The following HNF4A variants were observed in gnomAD, a reference collection of about 807,000 sequenced individuals.
HNF4A encodes the protein hepatocyte nuclear factor 4-alpha.
A neutral mutation model predicts 52.4 loss-of-function variants in HNF4A; 15 were observed. That is an observed-to-expected ratio of 0.29 (90% CI 0.19 to 0.44). The LOEUF is 0.44. Ranked by LOEUF, HNF4A falls within the 20% of genes least tolerant of loss-of-function variation. HNF4A has a pLI of 1.00. For synonymous variants in HNF4A, 280 were observed against 264.4 expected (o/e 1.06, Z -0.57); for missense variants, 479 against 647.2 (o/e 0.74, Z 2.82).
At chr20:44,387,288 T>TAAAAAA (rs537843651) in intron 1 of HNF4A, among the ~76,000 whole-genome samples, 1 of 82,008 alleles carries the variant, frequency 1.2e-5, no homozygotes, top group African/African-American at 4.6e-5. Flanking sequence ...AACTTCATCT[T>TAAAAAA]AAAAAAAAAA....
intron 1 of HNF4A, among the ~76,000 whole-genome samples, chr20:44,379,194 C>A (rs1445596855): frequency 6.6e-6 from 1 of 152,102 alleles, no homozygotes; most frequent in African/African-American, 2.4e-5. Flanking sequence ...ATCCATTCAT[C>A]CATTGATTGA....
At chr20:44,424,589 G>A (rs1014678218) in intron 8 of HNF4A, 4 of 1,392,470 alleles carry the variant, frequency 2.9e-6, no homozygotes, top group Non-Finnish European at 3.8e-6. Flanking sequence ...GTGCGTGCAT[G>A]TGTATATAAA....
intron 1 of HNF4A, among the ~76,000 whole-genome samples, chr20:44,402,989 C>A (rs1026857329): frequency 6.6e-6 from 1 of 152,234 alleles, no homozygotes. Context: ...TTCATTCCCC[C>A]AGGCCTGCTG....
intron 1 of HNF4A, among the ~76,000 whole-genome samples, chr20:44,375,542 A>T (rs1178050797): frequency 6.6e-6 from 1 of 151,770 alleles, no homozygotes; most frequent in Admixed American, 6.6e-5. Context: ...CAGGGTGTTA[A>T]TAACTTAACA....
At chr20:44,380,471 T>C (rs1035821757) in intron 1 of HNF4A, among the ~76,000 whole-genome samples, 1 of 152,118 alleles carries the variant, frequency 6.6e-6, no homozygotes, top group Admixed American at 6.5e-5. Flanking sequence ...TTTTAAATTT[T>C]TCTGTAGAGA....
At chr20:44,421,649 G>A (rs1206506986) in intron 7 of HNF4A, among the ~76,000 whole-genome samples, 1 of 151,774 alleles carries the variant, frequency 6.6e-6, no homozygotes, top group Non-Finnish European at 1.5e-5. Context: ...AGCTACTCAG[G>A]AGGCTGAGGC....
At chr20:44,419,392 T>G (rs2063712419) in intron 6 of HNF4A, among the ~76,000 whole-genome samples, 1 of 152,218 alleles carries the variant, frequency 6.6e-6, no homozygotes, top group South Asian at 2.1e-4. Context: ...GCAGTGCAGT[T>G]CCAGAATCTG....
chr20:44,395,398 G>C (rs2063344195), intron 1 of HNF4A: 1 of 152,408 alleles, frequency 6.6e-6, no homozygotes, highest in African/African-American at 2.4e-5. Context: ...CGAGTGCAGA[G>C]GGTGGTATGA....
chr20:44,393,845 T>C (rs1006230502), intron 1 of HNF4A, among the ~76,000 whole-genome samples: 1 of 152,168 alleles, frequency 6.6e-6, no homozygotes, highest in Non-Finnish European at 1.5e-5. Context: ...TACATCTTTT[T>C]TTGTGATAGG....
chr20:44,416,484 T>A (rs1419746610), intron 5 of HNF4A, among the ~76,000 whole-genome samples: 1 of 152,266 alleles, frequency 6.6e-6, no homozygotes, highest in Non-Finnish European at 1.5e-5. Flanking sequence ...CTGGAGTGAC[T>A]GATGAAAGAC....
chr20:44,428,476 G>A lies in HNF4A; in HGVS notation c.1271G>A (p.Arg424Lys), dbSNP rs2063839150. 6.2e-7 allele frequency: 1 copy of A among 1,614,078 alleles called. No homozygotes were observed. Among genetic ancestry groups the A allele is most frequent in the Non-Finnish European group, 8.5e-7 (1 of 1,179,974 alleles). Residue 424 changes from arginine (R) to lysine (K), a missense_variant, in exon 9 of 10, where the codon AGG becomes AAG. By Grantham distance (26) the Arg-to-Lys change is conservative. Around this residue, in one of 3 missense-constraint regions of HNF4A, gnomAD observed 389 missense variants for 525.1 expected, o/e 0.74. Transcript: ENST00000316099. ...CAGATGTGTGAGTGGCCCCGACCCA[G>A]GGGACAGGCAGGTGGGCAAACTCTG...
At position 44,406,079 on chromosome 20, in the gene HNF4A, C is replaced by A; in HGVS notation, c.137C>A (p.Thr46Asn). The change falls in exon 2 of 10, where the codon ACC becomes AAC. Residue 46 changes from threonine (T) to asparagine (N), a missense_variant. Physicochemically the swap from Thr to Asn is moderately conservative, Grantham distance 65. Transcript: ENST00000316099. ...GCAGACACGTCCCCATCAGAAGGCA[C>A]CAACCTCAACGCGCCCAACAGCCTG... 1 of 1,612,800 alleles carries A rather than the reference C, an allele frequency of 6.2e-7. No homozygotes were observed. Among genetic ancestry groups the A allele is most frequent in the Non-Finnish European group, 8.5e-7 (1 of 1,180,024 alleles).
chr20:44,409,854 T>C (rs961025130), intron 3 of HNF4A, among the ~76,000 whole-genome samples: 7 of 137,120 alleles, frequency 5.1e-5, no homozygotes, highest in African/African-American at 1.9e-4. Context: ...TTTTTTTTTT[T>C]TAGATGGAAT....
At chr20:44,387,663 G>GGGA (rs2063245101) in intron 1 of HNF4A, among the ~76,000 whole-genome samples, 2 of 94,462 alleles carry the variant, frequency 2.1e-5, no homozygotes, top group Non-Finnish European at 2.4e-5. Context: ...GGCGGGGGGG[G>GGGA]GGGGAGGCGG....
At chr20:44,373,879 G>A (rs2063058685) in intron 1 of HNF4A, among the ~76,000 whole-genome samples, 1 of 151,842 alleles carries the variant, frequency 6.6e-6, no homozygotes, top group African/African-American at 2.4e-5. Context: ...TAGTAGAGGT[G>A]GGGTTTCACC....
intron 1 of HNF4A, among the ~76,000 whole-genome samples, chr20:44,403,145 G>A (rs917888141): frequency 7.2e-5 from 11 of 152,202 alleles, no homozygotes; most frequent in Admixed American, 3.3e-4. Context: ...GCTGCTCCCC[G>A]CCCCCATCAC....
upstream of HNF4A, among the ~76,000 whole-genome samples, chr20:44,398,765 G>A (rs1426147730): frequency 1.3e-5 from 2 of 152,200 alleles, no homozygotes. Context: ...GATATAACGG[G>A]TCATGGCTGT....
At position 44,406,207 on chromosome 20, in the gene HNF4A, C is replaced by A. The variant is rs1176335599; in HGVS notation, c.265C>A (p.Arg89=). The change falls in exon 2 of 10, where the codon CGG becomes AGG. Residue 89 remains arginine, a synonymous_variant. Coordinates refer to ENST00000316099, the MANE Select transcript of HNF4A (RefSeq NM_000457.6). Reference sequence around the variant, plus strand: ...CAAGGGCTTCTTCCGGAGGAGCGTGCGGAAGAACCACATGTACTCCTGCAG... The same window carrying A: ...CAAGGGCTTCTTCCGGAGGAGCGTGAGGAAGAACCACATGTACTCCTGCAG... 5 of 1,613,508 alleles carry A rather than the reference C, an allele frequency of 3.1e-6. No individual in the cohort carries two copies. In the African/African-American group the frequency reaches 6.7e-5, roughly 22 times the overall value.
rs76707818 is a variant in HNF4A, at chr20:44,391,065, A to T, written c.50-14993A>T. Among the ~76,000 whole-genome samples, 786 of 152,250 alleles carry T rather than the reference A, an allele frequency of 5.2e-3. 5 individuals are homozygous for T. The highest frequency in any genetic ancestry group is 0.018 in the African/African-American group (748 of 41,528). On this transcript the variant is annotated intron_variant, in intron 1 of 9. Transcript: ENST00000316673. ...GGAACCCTGAAGTTCCCTGAGCAGA[A>T]AACAATCGGTTAAAATCTCATTGCC...
Sources: allele counts gnomAD v4.1 joint callset (sites outside exome capture counted in the v4.1 genomes callset), GRCh38; gene constraint gnomAD v4.1.1; regional missense constraint gnomAD v4.1.1; transcripts MANE v1.5; gene names NCBI Gene and HGNC (gene_info 2026-07-23, HGNC 2026-07-21).